Variants in GRSF1 observed in about 807,000 individuals in gnomAD.
GRSF1 encodes the protein G-rich sequence factor 1.
GRSF1 carries 50 observed loss-of-function variants against 51.1 expected under a neutral mutation model. That is an observed-to-expected ratio of 0.98 (90% CI 0.78 to 1.24). The LOEUF (loss-of-function observed/expected upper bound fraction) is 1.24, where lower values mean the gene tolerates loss of function less well. Among genes scored for constraint, GRSF1 ranks in the 50% most tolerant of loss-of-function variants. The pLI, the probability that GRSF1 is intolerant of heterozygous loss-of-function variation, is 0.00. For missense variants in GRSF1, 700 were observed against 639.7 expected (o/e 1.09, Z -1.02); for synonymous variants, 293 against 253.3 (o/e 1.16, Z -1.49).
chr4:70,834,184 G>A (rs989100867), intron 2 of GRSF1, among the ~76,000 whole-genome samples: 8 of 152,066 alleles, frequency 5.3e-5, no homozygotes, highest in Admixed American at 3.3e-4. Context: ...CCTTGAACCC[G>A]GGAGGTGGAG....
intron 4 of GRSF1, 80 bp from the exon 5 acceptor site, chr4:70,831,754 A>C: frequency 7.7e-7 from 1 of 1,291,388 alleles, no homozygotes; most frequent in Non-Finnish European, 1.1e-6. Context: ...ATACTAATAA[A>C]ATTTTTATTC....
chr4:70,830,355 C>T (rs938381992), intron 5 of GRSF1, among the ~76,000 whole-genome samples: 8 of 151,014 alleles, frequency 5.3e-5, no homozygotes, highest in South Asian at 2.1e-4. Flanking sequence ...TGAGGCGAGA[C>T]GATTGCTTGA....
intron 9 of GRSF1, among the ~76,000 whole-genome samples, chr4:70,822,966 G>A (rs1362737594): frequency 2.0e-5 from 3 of 152,002 alleles, no homozygotes; most frequent in African/African-American, 4.8e-5. Flanking sequence ...GCATTGTGGC[G>A]GGCACCTGCA....
chr4:70,834,771 G>A (rs1235419304), intron 2 of GRSF1, among the ~76,000 whole-genome samples: 1 of 152,064 alleles, frequency 6.6e-6, no homozygotes, highest in Non-Finnish European at 1.5e-5. Flanking sequence ...ACGGGAGCGT[G>A]CCACCACGCC....
intron 5 of GRSF1, among the ~76,000 whole-genome samples, chr4:70,828,800 C>CG (rs945098695): frequency 6.7e-5 from 10 of 148,856 alleles, no homozygotes; most frequent in Non-Finnish European, 1.2e-4. Context: ...TGCAATGGCA[C>CG]GATCTTGGCT....
rs546639533 is a variant in GRSF1 at position 70,818,901 on chromosome 4, T to G, written c.*1986A>C. 2 of 152,288 alleles carry G rather than the reference T, an allele frequency of 1.3e-5. No homozygotes were observed. Among genetic ancestry groups the G allele is most frequent in the South Asian group, 2.1e-4 (1 of 4,826 alleles). 9.4% of individuals were successfully genotyped at this position (152,288 alleles called of 1,614,324 possible). ...TGGGGAGACGGTACCGTCTTCCACT[T>G]GCATGGAAATAAGATTACTTTTACT... is the stretch of plus-strand genomic sequence containing the variant. On this transcript the variant is annotated 3_prime_UTR_variant, in exon 10 of 10. Transcript: ENST00000254799.
chr4:70,832,403 G>A lies in GRSF1; in HGVS notation c.718C>T (p.Gln240Ter). Residue 240 changes from glutamine (Q) to a stop codon, truncating the protein, a stop_gained, in exon 4 of 10, where the codon CAG (glutamine) becomes TAG (stop). Transcript: ENST00000254799. LOFTEE classifies it high-confidence loss of function. ...EDVDALMKSL[Q>*]VKSSPVVNDG... Reference sequence around the variant, plus strand: ...TTTACCACAGGCGAAGATTTGACCTGCAAGCTCTTCATTAAGGCATCCACA... The same window carrying A: ...TTTACCACAGGCGAAGATTTGACCTACAAGCTCTTCATTAAGGCATCCACA... 2 of 1,610,304 alleles carry A rather than the reference G, an allele frequency of 1.2e-6. No homozygotes were observed. Among genetic ancestry groups the A allele is most frequent in the Non-Finnish European group, 1.7e-6 (2 of 1,176,630 alleles).
At chr4:70,827,828 T>A in intron 6 of GRSF1, 24 bp downstream of exon 6, 1 of 1,534,064 alleles carries the variant, frequency 6.5e-7, no homozygotes, top group South Asian at 1.2e-5. Context: ...ACCCAATGAG[T>A]CTCAAGAAGA....
chr4:70,833,241 G>A lies in GRSF1; in HGVS notation c.547C>T (p.His183Tyr), dbSNP rs1416124400. 1 of 1,613,822 alleles carries A rather than the reference G, an allele frequency of 6.2e-7. No individual in the cohort carries two copies. Among genetic ancestry groups the A allele is most frequent in the Non-Finnish European group, 8.5e-7 (1 of 1,179,740 alleles). The change falls in exon 3 of 10, where the codon CAT (histidine) becomes TAT (tyrosine). Residue 183 changes from histidine (H) to tyrosine (Y), a missense_variant. Physicochemically the swap from His to Tyr is moderately conservative, Grantham distance 83. Coordinates refer to ENST00000254799, the MANE Select transcript of GRSF1 (RefSeq NM_002092.4). ...TTCCCATCTCTGTTTAGGAGAAAATGTATTCCATTCTCACCGTTGCGGATT... is the reference window on the plus strand; with the variant it reads ...TTCCCATCTCTGTTTAGGAGAAAATATATTCCATTCTCACCGTTGCGGATT... Reference protein sequence around the residue: ...CRIRNGENGIHFLLNRDGKRR... With the variant: ...CRIRNGENGIYFLLNRDGKRR...
chr4:70,818,915 A>G lies in GRSF1; in HGVS notation c.*1972T>C, dbSNP rs1445218233. 2 of 152,074 alleles carry G rather than the reference A, an allele frequency of 1.3e-5. No individual in the cohort carries two copies. The highest frequency in any genetic ancestry group is 2.1e-4 in the South Asian group (1 of 4,834). The allele number at this position is 152,074 out of a possible 1,614,324, so 9.4% of individuals were successfully genotyped here. A position where few individuals can be genotyped will look rare whatever the true frequency, so the allele number is the denominator to read the frequency against. On this transcript the variant is annotated 3_prime_UTR_variant, in exon 10 of 10. Transcript: ENST00000254799. Reference sequence around the variant, plus strand: ...CGTCTTCCACTTGCATGGAAATAAGATTACTTTTACTGTATTATGTGCTTC... The same window carrying G: ...CGTCTTCCACTTGCATGGAAATAAGGTTACTTTTACTGTATTATGTGCTTC...
At chr4:70,821,313 T>C (rs1213174850) in intron 9 of GRSF1, among the ~76,000 whole-genome samples, 2 of 152,124 alleles carry the variant, frequency 1.3e-5, no homozygotes, top group Non-Finnish European at 2.9e-5. Flanking sequence ...TAATCCCAGC[T>C]ACTGGGGAGG....
intron 6 of GRSF1, 53 bp from the exon 7 acceptor site, chr4:70,826,298 T>C: frequency 2.7e-6 from 4 of 1,454,840 alleles, no homozygotes; most frequent in Non-Finnish European, 3.7e-6. Context: ...CAAGGGTTAT[T>C]AACAGATTCT....
At chr4:70,826,948 C>G (rs1438137664) in intron 6 of GRSF1, among the ~76,000 whole-genome samples, 1 of 152,092 alleles carries the variant, frequency 6.6e-6, no homozygotes, top group Non-Finnish European at 1.5e-5. Flanking sequence ...CAAATGTTGC[C>G]CTGGGTTAGG....
chr4:70,839,762 G>A lies in GRSF1; in HGVS notation c.66C>T (p.Cys22=), dbSNP rs981293600. The A allele has an allele frequency of 6.6e-7, 1 of 1,503,936 alleles. No individual in the cohort carries two copies. Among genetic ancestry groups the A allele is most frequent in the Non-Finnish European group, 8.8e-7 (1 of 1,133,716 alleles). 93.2% of individuals were successfully genotyped at this position (1,503,936 alleles called of 1,614,324 possible). ...GCAGGCAGGCGGCGCCGGTGCGCCG[G>A]CAGCTGCTGCAGTTACAGCCGCAGC... ...LRGCGCNCSS[C]RRTGAACLPF... Residue 22 remains cysteine (C), a synonymous_variant, in exon 1 of 10, where the codon TGC becomes TGT. Transcript: ENST00000254799.
rs376734228 is a variant in GRSF1 at position 70,827,838 on chromosome 4, A to C, written c.1135+14T>G. 1.3e-6 allele frequency: 2 copies of C among 1,573,898 alleles called. No individual in the cohort carries two copies. Among genetic ancestry groups the C allele is most frequent in the East Asian group, 2.2e-5 (1 of 44,600 alleles). On this transcript the variant is annotated intron_variant, in intron 6 of 9. Transcript: ENST00000254799. ...GATAGACCCAATGAGTCTCAAGAAG[A>C]GGCAGGACCTTACCTATTTCCTTCT...
intron 2 of GRSF1, among the ~76,000 whole-genome samples, chr4:70,833,609 A>G (rs1302431234): frequency 2.0e-5 from 3 of 152,350 alleles, no homozygotes; most frequent in Admixed American, 1.3e-4. Flanking sequence ...AAATTTATAC[A>G]TAAGTGTCTT....
At chr4:70,841,789 T>C (rs1387784605), upstream of GRSF1, among the ~76,000 whole-genome samples, 1 of 152,244 alleles carries the variant, frequency 6.6e-6, no homozygotes, top group Non-Finnish European at 1.5e-5. Flanking sequence ...CTTGGCTCTA[T>C]GAACCTGGAG....
At chr4:70,834,914 C>A (rs928194775) in intron 2 of GRSF1, among the ~76,000 whole-genome samples, 1 of 152,048 alleles carries the variant, frequency 6.6e-6, no homozygotes, top group Non-Finnish European at 1.5e-5. Context: ...TGAGCCACCG[C>A]ACTTGGACCC....
intron 3 of GRSF1, 29 bp from the exon 4 acceptor site, chr4:70,832,479 A>C: frequency 7.1e-7 from 1 of 1,418,376 alleles, no homozygotes; most frequent in South Asian, 1.2e-5. Flanking sequence ...ACAGGGATGA[A>C]AAATTTACAT....
Sources: gnomAD v4.1 joint callset for allele counts (sites outside exome capture counted in the v4.1 genomes callset) on GRCh38, gnomAD v4.1.1 for gene constraint, MANE v1.5 for transcripts, NCBI Gene and HGNC (gene_info 2026-07-23, HGNC 2026-07-21) for gene names.